Variants in NRXN1 observed in about 807,000 individuals in gnomAD.
NRXN1 encodes the protein neurexin-1.
NRXN1 carries 39 observed loss-of-function variants against 150.9 expected under a neutral mutation model. That is an observed-to-expected ratio of 0.26 (90% CI 0.20 to 0.34). NRXN1 has a LOEUF of 0.34. NRXN1 is among the 10% of genes least tolerant of loss of function. NRXN1 has a pLI of 1.00. For missense variants in NRXN1, 1,815 were observed against 1,949.9 expected, an observed-to-expected ratio of 0.93 and a Z score of 1.30; for synonymous variants, 924 against 757.0, an observed-to-expected ratio of 1.22 and a Z score of -3.62.
chr2:50,683,646 A>AAAATATATATAT, intron 5 of NRXN1, among the ~76,000 whole-genome samples: 1 of 14,902 alleles, frequency 6.7e-5, no homozygotes, highest in East Asian at 3.8e-3. Context: ...AAAAAAAAAA[A>AAAATATATATAT]ATATATATAT....
intron 21 of NRXN1, among the ~76,000 whole-genome samples, chr2:50,047,720 CT>C (rs869205850): frequency 7.3e-6 from 1 of 136,224 alleles, no homozygotes; most frequent in African/African-American, 2.9e-5. Context: ...GTTTTTTTTT[CT>C]TTTTTCCTGC....
chr2:50,032,707 C>A (rs1895131), intron 21 of NRXN1, among the ~76,000 whole-genome samples: 7 of 151,608 alleles, frequency 4.6e-5, no homozygotes, highest in Non-Finnish European at 7.4e-5. Context: ...TCCAATAACA[C>A]TGGTGTCCTT....
intron 18 of NRXN1, among the ~76,000 whole-genome samples, chr2:50,234,537 T>A (rs574708938): frequency 6.6e-6 from 1 of 152,174 alleles, no homozygotes; most frequent in South Asian, 2.1e-4. Context: ...AAATGACTTA[T>A]CTCCACATCA....
intron 17 of NRXN1, among the ~76,000 whole-genome samples, chr2:50,406,553 G>A (rs752507775): frequency 3.3e-5 from 5 of 152,144 alleles, no homozygotes; most frequent in Admixed American, 6.5e-5. Context: ...CAATCAGGAA[G>A]ATACTTCATA....
intron 17 of NRXN1, among the ~76,000 whole-genome samples, chr2:50,289,423 T>C (rs1027282102): frequency 1.3e-5 from 2 of 152,156 alleles, no homozygotes; most frequent in African/African-American, 4.8e-5. Context: ...GCTTCCCCCA[T>C]CTAATATTAT....
intron 17 of NRXN1, among the ~76,000 whole-genome samples, chr2:50,244,189 A>G (rs1016707032): frequency 6.6e-6 from 1 of 151,912 alleles, no homozygotes; most frequent in Non-Finnish European, 1.5e-5. Flanking sequence ...ACATGAAAAT[A>G]AAGTATTCAT....
At chr2:50,391,947 T>C (rs535529918) in intron 17 of NRXN1, among the ~76,000 whole-genome samples, 11 of 152,302 alleles carry the variant, frequency 7.2e-5, no homozygotes, top group East Asian at 3.9e-4. Flanking sequence ...TTATGAACAA[T>C]TGACTTATTT....
At chr2:50,349,635 A>G (rs1044958673) in intron 17 of NRXN1, among the ~76,000 whole-genome samples, 1 of 152,206 alleles carries the variant, frequency 6.6e-6, no homozygotes, top group Non-Finnish European at 1.5e-5. Flanking sequence ...CTTCCTTTAT[A>G]AAATACTCAT....
intron 22 of NRXN1, among the ~76,000 whole-genome samples, chr2:49,942,067 T>C (rs889592520): frequency 6.6e-6 from 1 of 152,140 alleles, no homozygotes; most frequent in Non-Finnish European, 1.5e-5. Flanking sequence ...TAAAGGGGCC[T>C]AGGATAGTGC....
intron 21 of NRXN1, among the ~76,000 whole-genome samples, chr2:49,946,756 G>A (rs773542749): frequency 2.3e-4 from 35 of 152,006 alleles, no homozygotes; most frequent in Non-Finnish European, 4.9e-4. Flanking sequence ...ATATAGCCAA[G>A]CCAATCCTAA....
chr2:50,788,993 A>G (rs992472582), intron 5 of NRXN1, among the ~76,000 whole-genome samples: 6 of 152,166 alleles, frequency 3.9e-5, no homozygotes, highest in African/African-American at 7.2e-5. Flanking sequence ...TGCAAGGAGC[A>G]GGAAATGGAT....
At chr2:50,840,358 C>T (rs1464923410) in intron 5 of NRXN1, among the ~76,000 whole-genome samples, 1 of 152,092 alleles carries the variant, frequency 6.6e-6, no homozygotes, top group East Asian at 1.9e-4. Flanking sequence ...TCAAAAGATA[C>T]ACTTATGATT....
intron 21 of NRXN1, among the ~76,000 whole-genome samples, chr2:49,958,827 A>G (rs1675429666): frequency 6.6e-6 from 1 of 152,178 alleles, no homozygotes; most frequent in African/African-American, 2.4e-5. Flanking sequence ...CAGCCTTTAT[A>G]GACCTCTTTC....
intron 18 of NRXN1, among the ~76,000 whole-genome samples, chr2:50,145,303 C>T (rs1397648185): frequency 2.0e-5 from 3 of 151,518 alleles, no homozygotes; most frequent in South Asian, 2.1e-4. Flanking sequence ...CACAAATACA[C>T]ACACACACAC....
intron 18 of NRXN1, among the ~76,000 whole-genome samples, chr2:50,178,492 C>T (rs1446806798): frequency 6.6e-6 from 1 of 151,948 alleles, no homozygotes; most frequent in Non-Finnish European, 1.5e-5. Flanking sequence ...ATACTGCCCA[C>T]AAAACAGAAC....
rs192427017 is a variant in NRXN1 at position 50,871,619 on chromosome 2, T to C, written c.832+50250A>G. On this transcript the variant is annotated intron_variant, in intron 5 of 22. Coordinates refer to ENST00000401669, the MANE Select transcript of NRXN1 (RefSeq NM_001330078.2). Reference sequence around the variant, plus strand: ...AGGACATCTCTGCTGCTATATTGTTTCTAATTTCAAATGTATTTAAATTGA... The same window carrying C: ...AGGACATCTCTGCTGCTATATTGTTCCTAATTTCAAATGTATTTAAATTGA... 1.4e-4 allele frequency among the ~76,000 whole-genome samples: 22 copies of C among 152,002 alleles called. No homozygotes were observed. In the East Asian group the frequency reaches 3.7e-3, roughly 26 times the overall value.
chr2:50,080,269 TG>T (rs1697751197), intron 19 of NRXN1, among the ~76,000 whole-genome samples: 1 of 152,160 alleles, frequency 6.6e-6, no homozygotes, highest in Non-Finnish European at 1.5e-5. Flanking sequence ...TTGTTACGAT[TG>T]TTCTATTTTA....
chr2:50,817,647 T>C (rs12233044), intron 5 of NRXN1, among the ~76,000 whole-genome samples: 12,502 of 152,044 alleles, frequency 0.082, 627 homozygotes, highest in Middle Eastern at 0.15. Flanking sequence ...ATATTAAAAG[T>C]ATCATACATC....
chr2:50,210,350 G>A (rs2062926548), intron 18 of NRXN1, among the ~76,000 whole-genome samples: 1 of 151,746 alleles, frequency 6.6e-6, no homozygotes, highest in East Asian at 1.9e-4. Context: ...TAATCTACTG[G>A]CATTTTTGGA....
Sources: allele counts gnomAD v4.1 joint callset (sites outside exome capture counted in the v4.1 genomes callset), GRCh38; gene constraint gnomAD v4.1.1; transcripts MANE v1.5; gene names NCBI Gene and HGNC (gene_info 2026-07-23, HGNC 2026-07-21).